The following GALNT18 variants were observed in gnomAD, a reference collection of about 807,000 sequenced individuals.
GALNT18 encodes the protein GalNAc-transferase 18.
In GALNT18, 44 loss-of-function variants were observed where a neutral mutation model predicts 69.5. The ratio of observed to expected loss-of-function variants is 0.63; its 90% CI spans 0.50 to 0.81. The LOEUF (loss-of-function observed/expected upper bound fraction) is 0.81, where lower values mean the gene tolerates loss of function less well. GALNT18 is among the 40% of genes least tolerant of loss of function. The probability of loss-of-function intolerance (pLI) is 0.00; values close to 1 mark genes in which losing one functional copy is unlikely to be tolerated. For synonymous variants in GALNT18, 364 were observed against 318.2 expected, an observed-to-expected ratio of 1.14 and a Z score of -1.53; for missense variants, 715 against 810.0, an observed-to-expected ratio of 0.88 and a Z score of 1.42.
intron 10 of GALNT18, among the ~76,000 whole-genome samples, chr11:11,292,468 C>T (rs1207457671): frequency 6.6e-6 from 1 of 152,148 alleles, no homozygotes; most frequent in African/African-American, 2.4e-5. Flanking sequence ...GTGAGGACTG[C>T]CTTTCGCCAA....
intron 3 of GALNT18, among the ~76,000 whole-genome samples, chr11:11,418,957 G>A (rs934917626): frequency 2.6e-5 from 4 of 152,124 alleles, no homozygotes; most frequent in African/African-American, 7.2e-5. Context: ...GCCCATTAGA[G>A]TGGGAGGGAC....
Position 11,583,290 on chromosome 11 carries a change from A to G in GALNT18, c.235+38069T>C, listed in dbSNP as rs2133912549. ...TTCTCAAAGCAGCTGGTCCTTCTAGATGCTAGCCCTCTGTGTGCACACTTA... is the reference window on the plus strand; with the variant it reads ...TTCTCAAAGCAGCTGGTCCTTCTAGGTGCTAGCCCTCTGTGTGCACACTTA... On this transcript the variant is annotated intron_variant, in intron 1 of 10. Transcript: ENST00000227756. This position sits in a 1 kb window ranked among gnomAD's most constrained non-coding sequence, Gnocchi z 4.7. 6.6e-6 allele frequency among the ~76,000 whole-genome samples: 1 copy of G among 152,270 alleles called. No individual in the cohort carries two copies. The highest frequency in any genetic ancestry group is 6.5e-5 in the Admixed American group (1 of 15,298).
In GALNT18 at chr11:11,413,523, A is replaced by T. The variant is rs949773282; in HGVS notation, c.595+19098T>A. 2.0e-5 allele frequency among the ~76,000 whole-genome samples: 3 copies of T among 152,270 alleles called. No homozygotes were observed. Among genetic ancestry groups the T allele is most frequent in the Non-Finnish European group, 2.9e-5 (2 of 68,014 alleles). On this transcript the variant is annotated intron_variant, in intron 3 of 10. Transcript: ENST00000227756. This position sits in a 1 kb window ranked among gnomAD's most constrained non-coding sequence, Gnocchi z 4.7. Reference sequence around the variant, plus strand: ...AACATTAGACTGCAATTTCAGGTTTATATAATTTGGTGCTTAATGCACCGT... The same window carrying T: ...AACATTAGACTGCAATTTCAGGTTTTTATAATTTGGTGCTTAATGCACCGT...
chr11:11,394,972 T>G (rs1051184157), intron 3 of GALNT18, among the ~76,000 whole-genome samples: 2 of 152,202 alleles, frequency 1.3e-5, no homozygotes, highest in Non-Finnish European at 2.9e-5. Context: ...GACATGCTGT[T>G]AGGGACCCAG....
rs571123057 is a variant in GALNT18, at chr11:11,617,110, G to A, written c.235+4249C>T. Among the ~76,000 whole-genome samples, 40 of 152,320 alleles carry A rather than the reference G, an allele frequency of 2.6e-4. No homozygotes were observed. The highest frequency in any genetic ancestry group is 8.9e-4 in the African/African-American group (37 of 41,572). On this transcript the variant is annotated intron_variant, in intron 1 of 10. Coordinates refer to ENST00000227756, the MANE Select transcript of GALNT18 (RefSeq NM_198516.3). The surrounding 1 kb of genome is among the most constrained non-coding windows in gnomAD (Gnocchi z 4.7). The stretch of plus-strand genomic sequence containing the variant: ...TTTGTGCAAGGAAGATGAACAGGAC[G>A]CCAATTGGCAGATGCATCCCAAAGA...
intron 3 of GALNT18, among the ~76,000 whole-genome samples, chr11:11,399,447 C>T (rs1042433697): frequency 3.3e-5 from 5 of 151,082 alleles, no homozygotes; most frequent in African/African-American, 1.2e-4. Flanking sequence ...CAAAAAATGG[C>T]GATTCTTCAG....
At chr11:11,580,492 C>T (rs1293189676) in intron 1 of GALNT18, among the ~76,000 whole-genome samples, 1 of 152,236 alleles carries the variant, frequency 6.6e-6, no homozygotes, top group South Asian at 2.1e-4. Context: ...CTGAACTCTT[C>T]TTCCTCATTT....
intron 1 of GALNT18, among the ~76,000 whole-genome samples, chr11:11,464,593 C>A (rs1369495423): frequency 6.6e-6 from 1 of 152,148 alleles, no homozygotes; most frequent in Admixed American, 6.5e-5. Context: ...TTTCTGAGTA[C>A]CCACAGAAAA....
At chr11:11,403,610 G>A (rs139868220) in intron 3 of GALNT18, among the ~76,000 whole-genome samples, 1 of 152,282 alleles carries the variant, frequency 6.6e-6, no homozygotes, top group East Asian at 1.9e-4. Flanking sequence ...GTCCCCAAGG[G>A]GTCTTAGTCC....
intron 1 of GALNT18, among the ~76,000 whole-genome samples, chr11:11,559,374 C>T (rs1313536097): frequency 6.6e-6 from 1 of 152,196 alleles, no homozygotes; most frequent in African/African-American, 2.4e-5. Context: ...TTCCATCACA[C>T]CCCAACTGTC....
intron 6 of GALNT18, among the ~76,000 whole-genome samples, chr11:11,370,518 T>C (rs182675604): frequency 2.2e-3 from 339 of 152,244 alleles, no homozygotes; most frequent in African/African-American, 7.9e-3. Context: ...TGGTTCTCTG[T>C]TTTAAATGCC....
chr11:11,398,250 C>A (rs759487769), intron 3 of GALNT18, among the ~76,000 whole-genome samples: 10 of 152,180 alleles, frequency 6.6e-5, no homozygotes, highest in Non-Finnish European at 1.3e-4. Flanking sequence ...ACCTCCCTGT[C>A]TAAATCTTAG....
Position 11,621,579 on chromosome 11 carries a change from C to T in GALNT18, c.15G>A (p.Arg5=), listed in dbSNP as rs1860195025. MVCT[R]KTKTLVSTCV... is the part of the protein sequence containing the mutation. ...AAGTGGACACCAAAGTTTTGGTCTT[C>T]CTGGTGCACACCATTCTGGGCTCCT... Residue 5 remains arginine, a synonymous_variant, in exon 1 of 11, where the codon AGG becomes AGA. Coordinates refer to ENST00000227756, the MANE Select transcript of GALNT18 (RefSeq NM_198516.3). The surrounding 1 kb of genome is among the most constrained non-coding windows in gnomAD (Gnocchi z 9.3). 6.2e-7 allele frequency: 1 copy of T among 1,602,904 alleles called. No homozygotes were observed. Among genetic ancestry groups the T allele is most frequent in the Admixed American group, 1.7e-5 (1 of 57,864 alleles).
At chr11:11,611,581 C>T (rs556025989) in intron 1 of GALNT18, among the ~76,000 whole-genome samples, 2 of 152,286 alleles carry the variant, frequency 1.3e-5, no homozygotes, top group Non-Finnish European at 1.5e-5. Flanking sequence ...TCCAGGCTTG[C>T]CCAGGGAATT....
intron 3 of GALNT18, among the ~76,000 whole-genome samples, chr11:11,385,248 C>T (rs924461255): frequency 6.6e-6 from 1 of 151,996 alleles, no homozygotes; most frequent in African/African-American, 2.4e-5. Flanking sequence ...GATCCACTCC[C>T]ATGACTCAAA....
chr11:11,276,015 G>T (rs1264527662), intron 10 of GALNT18, among the ~76,000 whole-genome samples: 2 of 152,172 alleles, frequency 1.3e-5, no homozygotes, highest in African/African-American at 4.8e-5. Flanking sequence ...GGCTATGCAG[G>T]CTCTTTTTTG....
chr11:11,423,318 C>G (rs1855055313), intron 3 of GALNT18, among the ~76,000 whole-genome samples: 1 of 152,230 alleles, frequency 6.6e-6, no homozygotes, highest in Non-Finnish European at 1.5e-5. Flanking sequence ...GAACAGAGTA[C>G]TTGCATATAC....
rs1850945630 is a variant in GALNT18, at chr11:11,372,868, G to A, written c.978-239C>T. 6.6e-6 allele frequency among the ~76,000 whole-genome samples: 1 copy of A among 152,196 alleles called. No homozygotes were observed. Among genetic ancestry groups the A allele is most frequent in the South Asian group, 2.1e-4 (1 of 4,830 alleles). ...CCTGGGATCAGCTATTAGTGGGGTGGTGCTTGTGTGTGTGTTAGCTTTGAG... is the reference window on the plus strand; with the variant it reads ...CCTGGGATCAGCTATTAGTGGGGTGATGCTTGTGTGTGTGTTAGCTTTGAG... On this transcript the variant is annotated intron_variant, in intron 5 of 10. Transcript: ENST00000227756. The surrounding 1 kb of genome is among the most constrained non-coding windows in gnomAD (Gnocchi z 4.9).
intron 3 of GALNT18, among the ~76,000 whole-genome samples, chr11:11,400,019 T>C (rs1411634467): frequency 6.6e-6 from 1 of 152,362 alleles, no homozygotes; most frequent in South Asian, 2.1e-4. Flanking sequence ...TGGATTTAGT[T>C]GCCTGCTCCT....
Sources: gnomAD v4.1 joint callset for allele counts (sites outside exome capture counted in the v4.1 genomes callset) on GRCh38, gnomAD v4.1.1 for gene constraint, Gnocchi (gnomAD v3.1) non-coding constraint, MANE v1.5 for transcripts, NCBI Gene and HGNC (gene_info 2026-07-23, HGNC 2026-07-21) for gene names.